Variants in FERRY3 observed in about 807,000 individuals in gnomAD.
FERRY3 encodes the protein FERRY endosomal RAB5 effector complex subunit 3, also known as protein C12orf4.
chr12:4,535,966 A>G, the FERRY3 span: 1,117 of 1,377,886 alleles, frequency 8.1e-4, 6 homozygotes, highest in African/African-American at 0.015. This position sits in a 1 kb window ranked among gnomAD's most constrained non-coding sequence, Gnocchi z 4.0. Context: ...CCAATGACAG[A>G]CTATTGAAAC....
the FERRY3 span, among the ~76,000 whole-genome samples, chr12:4,494,181 G>A: frequency 6.6e-6 from 1 of 151,902 alleles, no homozygotes; most frequent in African/African-American, 2.4e-5. Context: ...ATGTTTACAT[G>A]GAACTTTACA....
chr12:4,500,990 T>G, the FERRY3 span, among the ~76,000 whole-genome samples: 1 of 152,210 alleles, frequency 6.6e-6, no homozygotes, highest in East Asian at 1.9e-4. Context: ...GTTACTTGTT[T>G]TTTACGTGCC....
chr12:4,496,574 A>T, the FERRY3 span, among the ~76,000 whole-genome samples: 1 of 151,642 alleles, frequency 6.6e-6, no homozygotes, highest in Non-Finnish European at 1.5e-5. Flanking sequence ...CACACTTTAG[A>T]TGACATGTGC....
At chr12:4,525,147 A>G in the FERRY3 span, 34 of 1,362,092 alleles carry the variant, frequency 2.5e-5, no homozygotes, top group Non-Finnish European at 3.2e-5. Context: ...TTGAACTTTC[A>G]CTAGCAAATT....
the FERRY3 span, chr12:4,530,042 T>C: frequency 6.8e-6 from 11 of 1,611,258 alleles, no homozygotes; most frequent in Non-Finnish European, 6.8e-6. Context: ...TTGCATGCTC[T>C]AACGTGGTCT....
At chr12:4,521,044 A>C in the FERRY3 span, among the ~76,000 whole-genome samples, 1 of 152,270 alleles carries the variant, frequency 6.6e-6, no homozygotes, top group East Asian at 1.9e-4. Context: ...CACAATATCC[A>C]GTAATCAGTT....
chr12:4,502,104 C>T, the FERRY3 span, among the ~76,000 whole-genome samples: 1 of 152,206 alleles, frequency 6.6e-6, no homozygotes, highest in South Asian at 2.1e-4. This position sits in a 1 kb window ranked among gnomAD's most constrained non-coding sequence, Gnocchi z 4.2. Context: ...GATCAAAAGT[C>T]ACCTCCTCAG....
the FERRY3 span, among the ~76,000 whole-genome samples, chr12:4,526,060 A>T: frequency 2.0e-5 from 3 of 152,250 alleles, no homozygotes; most frequent in African/African-American, 4.8e-5. Flanking sequence ...CTATTAAGTC[A>T]TAAAATTTAC....
the FERRY3 span, among the ~76,000 whole-genome samples, chr12:4,498,968 T>C: frequency 6.6e-5 from 10 of 152,344 alleles, 1 homozygote; most frequent in Admixed American, 4.6e-4. Flanking sequence ...GGCAGGTTCT[T>C]GGCCTGGCAG....
chr12:4,531,113 C>T, the FERRY3 span, among the ~76,000 whole-genome samples: 46 of 152,262 alleles, frequency 3.0e-4, no homozygotes, highest in South Asian at 9.1e-3. Flanking sequence ...AGTCAGTCAA[C>T]AGGAAAACTT....
the FERRY3 span, chr12:4,534,010 G>C: frequency 1.3e-6 from 1 of 798,504 alleles, no homozygotes; most frequent in Non-Finnish European, 1.8e-6. Flanking sequence ...GATATAGGAA[G>C]CACAGAAGCA....
chr12:4,504,968 G>A, the FERRY3 span, among the ~76,000 whole-genome samples: 528 of 152,236 alleles, frequency 3.5e-3, 5 homozygotes, highest in African/African-American at 0.012. Context: ...AGCCGGGTAC[G>A]GTGGCGTGGG....
At chr12:4,534,165 A>T in the FERRY3 span, 8 of 1,586,460 alleles carry the variant, frequency 5.0e-6, no homozygotes, top group Non-Finnish European at 6.8e-6. Flanking sequence ...ACCTCAGCAT[A>T]AGCTTTGGCC....
chr12:4,529,996 C>T, the FERRY3 span: 3 of 1,613,304 alleles, frequency 1.9e-6, no homozygotes, highest in South Asian at 2.2e-5. Flanking sequence ...TGGTACACAT[C>T]TGCAAAATCT....
At chr12:4,513,528 A>G in the FERRY3 span, among the ~76,000 whole-genome samples, 4 of 151,048 alleles carry the variant, frequency 2.6e-5, no homozygotes, top group Admixed American at 1.3e-4. Context: ...ACAGCATGGT[A>G]CTGGTACCAA....
chr12:4,502,314 G>T, the FERRY3 span: 3 of 402,508 alleles, frequency 7.5e-6, no homozygotes, highest in Non-Finnish European at 1.4e-5. The surrounding 1 kb of genome is among the most constrained non-coding windows in gnomAD (Gnocchi z 4.2). Flanking sequence ...ACAGCACCTG[G>T]CACGTAGAAG....
At chr12:4,497,989 C>A in the FERRY3 span, among the ~76,000 whole-genome samples, 2 of 152,190 alleles carry the variant, frequency 1.3e-5, no homozygotes, top group Non-Finnish European at 2.9e-5. Context: ...ATAGAGTAAA[C>A]TTCTTGACCT....
the FERRY3 span, among the ~76,000 whole-genome samples, chr12:4,534,613 G>C: frequency 6.6e-6 from 1 of 152,046 alleles, no homozygotes; most frequent in African/African-American, 2.4e-5. Context: ...ATGTTGCCCA[G>C]GCTGGTCTTG....
the FERRY3 span, among the ~76,000 whole-genome samples, chr12:4,532,860 C>A: frequency 6.6e-6 from 1 of 152,192 alleles, no homozygotes; most frequent in Non-Finnish European, 1.5e-5. Context: ...ACCCACCTAA[C>A]AAAACCCTCA....
Sources: allele counts gnomAD v4.1 joint callset (sites outside exome capture counted in the v4.1 genomes callset), GRCh38; gene constraint gnomAD v4.1.1; non-coding constraint Gnocchi (gnomAD v3.1); transcripts MANE v1.5; gene names NCBI Gene and HGNC (gene_info 2026-07-23, HGNC 2026-07-21).